The following ELAPOR2 variants were observed in gnomAD, a reference collection of about 807,000 sequenced individuals.
The protein encoded by ELAPOR2 is endosome-lysosome associated apoptosis and autophagy regulator family member 2.
A neutral mutation model predicts 120.7 loss-of-function variants in ELAPOR2; 89 were observed. That is an observed-to-expected ratio of 0.74 (90% confidence interval 0.62 to 0.88). The LOEUF is 0.88. ELAPOR2 is among the 40% of genes least tolerant of loss of function. The probability of loss-of-function intolerance (pLI) is 0.00; values close to 1 mark genes in which losing one functional copy is unlikely to be tolerated. For missense variants in ELAPOR2, 1,134 were observed against 1,251.6 expected, an observed-to-expected ratio of 0.91 and a Z score of 1.42; for synonymous variants, 444 against 444.9, an observed-to-expected ratio of 1.00 and a Z score of 0.03.
chr7:87,007,136 T>G lies in ELAPOR2; in HGVS notation c.190-42112A>C, dbSNP rs142863340. On this transcript the variant is annotated intron_variant, in intron 1 of 21. Transcript: ENST00000450689. ...AGTACCCTGTCTTGACACAGATATG[T>G]GCATGTGTCAAAGCTGAAACTGTAC... Among the ~76,000 whole-genome samples the G allele has an allele frequency of 4.6e-5, 7 of 152,304 alleles. No homozygotes were observed. In the East Asian group the frequency reaches 1.3e-3, roughly 29 times the overall value.
intron 1 of ELAPOR2, among the ~76,000 whole-genome samples, chr7:87,002,795 GCTAGATACC>G (rs2116636419): frequency 6.6e-6 from 1 of 152,212 alleles, no homozygotes; most frequent in Admixed American, 6.5e-5. Context: ...CACATGTTGG[GCTAGATACC>G]CCATCCCCCA....
rs116068830 is a variant in ELAPOR2 at position 86,935,827 on chromosome 7, C to T, written c.1089+2299G>A. Among the ~76,000 whole-genome samples the T allele has an allele frequency of 5.2e-3, 787 of 152,066 alleles. 8 individuals are homozygous for T. The highest frequency in any genetic ancestry group is 0.018 in the African/African-American group (748 of 41,498). ...TTTACTAAAAGTATGAATGAGCAAG[C>T]CATTCCACATTTTTCATGATGTTTA... is the stretch of plus-strand genomic sequence containing the variant. On this transcript the variant is annotated intron_variant, in intron 8 of 21. Transcript: ENST00000450689.
chr7:86,919,897 C>G (rs1789748382), intron 10 of ELAPOR2: 1 of 152,172 alleles, frequency 6.6e-6, no homozygotes, highest in Admixed American at 6.6e-5. Flanking sequence ...CAGTATAGAG[C>G]TGTGCACAGA....
intron 11 of ELAPOR2, among the ~76,000 whole-genome samples, chr7:86,918,793 A>C (rs552747444): frequency 6.6e-6 from 1 of 152,260 alleles, no homozygotes; most frequent in Non-Finnish European, 1.5e-5. Context: ...TCCTAAAGGA[A>C]AAGATTCCTA....
intron 1 of ELAPOR2, among the ~76,000 whole-genome samples, chr7:87,027,191 T>G (rs1237667042): frequency 6.6e-6 from 1 of 152,146 alleles, no homozygotes; most frequent in Non-Finnish European, 1.5e-5. Flanking sequence ...CTTCCCAAAG[T>G]AGACATAGTT....
At chr7:86,891,146 T>A (rs1788140154) in intron 21 of ELAPOR2, 1 of 152,214 alleles carries the variant, frequency 6.6e-6, no homozygotes, top group Non-Finnish European at 1.5e-5. Flanking sequence ...ATATAACTTT[T>A]GTTTGCTCTA....
Position 86,938,790 on chromosome 7 carries a change from A to C in ELAPOR2, c.1000+18T>G. The C allele has an allele frequency of 2.5e-6, 4 of 1,610,998 alleles. No individual in the cohort carries two copies. Among genetic ancestry groups the C allele is most frequent in the Non-Finnish European group, 3.4e-6 (4 of 1,177,904 alleles). Reference sequence around the variant, plus strand: ...CATACATTTAGAAAGAAAAAAGCAGAGTATAAACTAGTTCTACCTGAAAAT... The same window carrying C: ...CATACATTTAGAAAGAAAAAAGCAGCGTATAAACTAGTTCTACCTGAAAAT... On this transcript the variant is annotated intron_variant, in intron 7 of 21. Transcript: ENST00000450689.
chr7:86,980,843 A>G (rs1345209333), intron 1 of ELAPOR2, among the ~76,000 whole-genome samples: 1 of 152,040 alleles, frequency 6.6e-6, no homozygotes, highest in Non-Finnish European at 1.5e-5. Flanking sequence ...CAACAAATAA[A>G]TGATTAACGT....
chr7:86,914,516 ATGT>A (rs774188479), intron 13 of ELAPOR2, among the ~76,000 whole-genome samples: 3 of 152,192 alleles, frequency 2.0e-5, no homozygotes, highest in East Asian at 3.8e-4. Context: ...ATTCAAAGAC[ATGT>A]TGTTATTTTA....
intron 1 of ELAPOR2, among the ~76,000 whole-genome samples, chr7:87,047,964 G>T (rs1008759851): frequency 6.6e-6 from 1 of 152,154 alleles, no homozygotes; most frequent in African/African-American, 2.4e-5. Flanking sequence ...AATGTGGTAC[G>T]GCTGGGTGCG....
chr7:86,932,252 G>A (rs1790361293), intron 8 of ELAPOR2, among the ~76,000 whole-genome samples: 1 of 151,876 alleles, frequency 6.6e-6, no homozygotes, highest in South Asian at 2.1e-4. Context: ...AAGAATATTA[G>A]CATTACACAG....
At chr7:87,038,093 G>T (rs1237478801) in intron 1 of ELAPOR2, among the ~76,000 whole-genome samples, 25 of 152,152 alleles carry the variant, frequency 1.6e-4, no homozygotes, top group Admixed American at 1.6e-3. Flanking sequence ...AACAGAGAAT[G>T]AATAGTCATG....
chr7:87,047,609 C>G (rs1249722461), intron 1 of ELAPOR2, among the ~76,000 whole-genome samples: 1 of 152,088 alleles, frequency 6.6e-6, no homozygotes, highest in African/African-American at 2.4e-5. Context: ...TAGAGAAATG[C>G]AAATCAAAAC....
intron 1 of ELAPOR2, among the ~76,000 whole-genome samples, chr7:86,993,160 C>T (rs537351890): frequency 7.1e-5 from 10 of 141,124 alleles, no homozygotes; most frequent in South Asian, 4.4e-4. Context: ...TGCTTGAACC[C>T]GGGAGGCGAA....
At chr7:86,894,231 A>G (rs1788331203) in intron 19 of ELAPOR2, among the ~76,000 whole-genome samples, 1 of 152,074 alleles carries the variant, frequency 6.6e-6, no homozygotes, top group Admixed American at 6.6e-5. Context: ...TTGTTAGTAC[A>G]TTATAACTGA....
intron 19 of ELAPOR2, among the ~76,000 whole-genome samples, chr7:86,895,243 G>A (rs1176848732): frequency 1.3e-5 from 2 of 152,040 alleles, no homozygotes; most frequent in African/African-American, 4.8e-5. Context: ...TTTGTCATTT[G>A]TATATGAAGC....
chr7:86,999,082 C>T (rs1793223913), intron 1 of ELAPOR2, among the ~76,000 whole-genome samples: 1 of 151,518 alleles, frequency 6.6e-6, no homozygotes, highest in Non-Finnish European at 1.5e-5. Flanking sequence ...AGGTGTTATA[C>T]ATATTTTATA....
At chr7:86,975,201 AAAAAATTAT>A (rs1232881004) in intron 1 of ELAPOR2, among the ~76,000 whole-genome samples, 1 of 152,226 alleles carries the variant, frequency 6.6e-6, no homozygotes, top group Non-Finnish European at 1.5e-5. Context: ...TCAGACAGAA[AAAAAATTAT>A]AAAAATTCAA....
chr7:87,019,298 G>A (rs1246174126), intron 1 of ELAPOR2, among the ~76,000 whole-genome samples: 2 of 152,132 alleles, frequency 1.3e-5, no homozygotes, highest in East Asian at 3.9e-4. Flanking sequence ...TGAGTAGCTG[G>A]GACCACAGGC....
Sources: gnomAD v4.1 joint callset for allele counts (sites outside exome capture counted in the v4.1 genomes callset) on GRCh38, gnomAD v4.1.1 for gene constraint, MANE v1.5 for transcripts, NCBI Gene and HGNC (gene_info 2026-07-23, HGNC 2026-07-21) for gene names.